Variants in ATP8A1 observed in about 807,000 individuals in gnomAD.
ATP8A1 encodes the protein ATPase phospholipid transporting 8A1.
ATP8A1 carries 90 observed loss-of-function variants against 177.7 expected under a neutral mutation model. The observed-to-expected ratio is 0.51, with a 90% CI of 0.43 to 0.60. The LOEUF (loss-of-function observed/expected upper bound fraction) is 0.60, where lower values mean the gene tolerates loss of function less well. ATP8A1 is among the 20% of genes least tolerant of loss of function. The pLI, the probability that ATP8A1 is intolerant of heterozygous loss-of-function variation, is 0.00. For missense variants in ATP8A1, 1,072 were observed against 1,392.8 expected (o/e 0.77, Z 3.67); for synonymous variants, 493 against 485.9 (o/e 1.01, Z -0.19).
At chr4:42,431,836 T>C (rs1327770849) in intron 33 of ATP8A1, among the ~76,000 whole-genome samples, 5 of 152,226 alleles carry the variant, frequency 3.3e-5, no homozygotes, top group African/African-American at 1.2e-4. Flanking sequence ...TGTCTCCTCC[T>C]AGGTCTCAGT....
chr4:42,565,376 G>A (rs1731248341), intron 15 of ATP8A1, among the ~76,000 whole-genome samples: 1 of 152,184 alleles, frequency 6.6e-6, no homozygotes, highest in Non-Finnish European at 1.5e-5. Flanking sequence ...ATGTTTTAGT[G>A]AGCCTAGCTT....
chr4:42,532,939 G>C (rs138379025), intron 20 of ATP8A1, among the ~76,000 whole-genome samples: 23 of 152,046 alleles, frequency 1.5e-4, no homozygotes, highest in Non-Finnish European at 2.9e-4. Flanking sequence ...TACTTTGTAC[G>C]CCTATCCCAA....
intron 30 of ATP8A1, among the ~76,000 whole-genome samples, chr4:42,448,685 A>C (rs924822141): frequency 1.3e-5 from 2 of 151,270 alleles, no homozygotes; most frequent in African/African-American, 2.4e-5. Context: ...GGTGTGAGCT[A>C]CTAAGCCTGG....
At chr4:42,530,003 G>A (rs1034845250) in intron 20 of ATP8A1, among the ~76,000 whole-genome samples, 3 of 152,226 alleles carry the variant, frequency 2.0e-5, no homozygotes, top group Non-Finnish European at 2.9e-5. Context: ...GTCAAAAACC[G>A]TGAAGATATT....
At chr4:42,480,041 G>A (rs560054925) in intron 25 of ATP8A1, among the ~76,000 whole-genome samples, 97 of 85,222 alleles carry the variant, frequency 1.1e-3, no homozygotes, top group African/African-American at 3.3e-3. Context: ...TACTGGTGAT[G>A]GTGGCAATGG....
chr4:42,489,618 C>T (rs1414074094), intron 24 of ATP8A1, among the ~76,000 whole-genome samples: 2 of 152,106 alleles, frequency 1.3e-5, no homozygotes, highest in Non-Finnish European at 2.9e-5. Context: ...CTTTTGTAAG[C>T]TCTGTTGTTA....
intron 1 of ATP8A1, among the ~76,000 whole-genome samples, chr4:42,649,473 G>A (rs1740873047): frequency 6.6e-6 from 1 of 152,082 alleles, no homozygotes; most frequent in Admixed American, 6.6e-5. Flanking sequence ...GTATATAAAA[G>A]TTTATAATCA....
intron 1 of ATP8A1, among the ~76,000 whole-genome samples, chr4:42,654,960 G>A (rs1460363): frequency 0.082 from 12,429 of 152,216 alleles, 1,383 homozygotes; most frequent in African/African-American, 0.25. Context: ...GAGCCACAAC[G>A]CCAGCCCCAC....
chr4:42,443,757 T>C (rs1716901065), intron 32 of ATP8A1, 85 bp from the exon 33 acceptor site: 1 of 671,530 alleles, frequency 1.5e-6, no homozygotes, highest in Non-Finnish European at 2.7e-6. Flanking sequence ...AATTCCCTTA[T>C]TAACTTTTTA....
At chr4:42,633,875 T>C (rs972448922) in intron 1 of ATP8A1, among the ~76,000 whole-genome samples, 4 of 151,940 alleles carry the variant, frequency 2.6e-5, no homozygotes, top group Non-Finnish European at 5.9e-5. Context: ...TGATGACACA[T>C]AAAGGAAGAT....
intron 4 of ATP8A1, among the ~76,000 whole-genome samples, chr4:42,624,121 A>C (rs910456770): frequency 1.3e-5 from 2 of 152,096 alleles, no homozygotes; most frequent in Non-Finnish European, 2.9e-5. Context: ...AGAAACTTAG[A>C]ACTATTAAAT....
At chr4:42,554,070 T>C (rs1560452273) in intron 16 of ATP8A1, among the ~76,000 whole-genome samples, 2 of 151,638 alleles carry the variant, frequency 1.3e-5, no homozygotes, top group Admixed American at 6.6e-5. Flanking sequence ...ACTTTATGAG[T>C]GAAGAGAGAA....
chr4:42,446,749 C>A, intron 30 of ATP8A1, 105 bp from the exon 31 acceptor site: 1 of 865,464 alleles, frequency 1.2e-6, no homozygotes, highest in Non-Finnish European at 1.8e-6. Context: ...TCAAGGGATA[C>A]ACAATGGAGC....
intron 35 of ATP8A1, 56 bp from the exon 36 acceptor site, chr4:42,414,774 T>G: frequency 7.5e-7 from 1 of 1,326,072 alleles, no homozygotes; most frequent in Non-Finnish European, 1.1e-6. Flanking sequence ...GAGACCCCAG[T>G]GTGCCCACAG....
At chr4:42,536,289 C>T (rs1021179557) in intron 20 of ATP8A1, among the ~76,000 whole-genome samples, 10 of 152,184 alleles carry the variant, frequency 6.6e-5, no homozygotes, top group South Asian at 4.1e-4. Flanking sequence ...GTAACCAATA[C>T]GACCAAAGTA....
At chr4:42,507,755 AGTCAGTT>A (rs375981782) in intron 22 of ATP8A1, among the ~76,000 whole-genome samples, 261 of 111,522 alleles carry the variant, frequency 2.3e-3, no homozygotes, top group Middle Eastern at 4.6e-3. Context: ...AAAAAAAAAA[AGTCAGTT>A]AAAAAGGACA....
chr4:42,635,786 T>TATATATATAC (rs1739256927), intron 1 of ATP8A1, among the ~76,000 whole-genome samples: 1 of 86,064 alleles, frequency 1.2e-5, no homozygotes, highest in East Asian at 3.2e-4. Flanking sequence ...CACACACATA[T>TATATATATAC]ATATATATAT....
intron 15 of ATP8A1, 92 bp from the exon 16 acceptor site, chr4:42,556,132 C>T: frequency 1.3e-6 from 1 of 746,622 alleles, no homozygotes. Flanking sequence ...AGTGTTATGT[C>T]TCCAAACCCT....
At chr4:42,413,315 G>C (rs1313053420) in intron 36 of ATP8A1, among the ~76,000 whole-genome samples, 4 of 152,082 alleles carry the variant, frequency 2.6e-5, no homozygotes, top group Non-Finnish European at 5.9e-5. Context: ...TCTAATTTTT[G>C]CTTCCCCAAT....
Sources: gnomAD v4.1 joint callset for allele counts (sites outside exome capture counted in the v4.1 genomes callset) on GRCh38, gnomAD v4.1.1 for gene constraint, MANE v1.5 for transcripts, NCBI Gene and HGNC (gene_info 2026-07-23, HGNC 2026-07-21) for gene names.